Variants in TENM2 observed in about 807,000 individuals in gnomAD.
The protein encoded by TENM2 is teneurin-2.
A neutral mutation model predicts 245.2 loss-of-function variants in TENM2; 52 were observed. The observed-to-expected ratio is 0.21, with a 90% CI of 0.17 to 0.27. The LOEUF (loss-of-function observed/expected upper bound fraction) is 0.27. Among genes scored for constraint, TENM2 ranks in the 10% least tolerant of loss-of-function variants. The pLI, the probability that TENM2 is intolerant of heterozygous loss-of-function variation, is 1.00. For synonymous variants in TENM2, 1,363 were observed against 1,438.9 expected (o/e 0.95, Z 1.19); for missense variants, 3,046 against 3,666.8 (o/e 0.83, Z 4.37).
chr5:168,226,289 C>T, intron 24 of TENM2, 26 bp downstream of exon 26: 1 of 1,603,030 alleles, frequency 6.2e-7, no homozygotes. Flanking sequence ...TACCATCCTA[C>T]CCCCAAACTC....
At chr5:167,375,352 C>T (rs771454000) in exon 2 of TENM2, 14 of 1,551,668 alleles carry the variant, frequency 9.0e-6, no homozygotes, top group South Asian at 4.8e-5. Context: ...CTCCAGAACA[C>T]GCCATCAGAC....
chr5:167,188,877 G>A, the TENM2 span, among the ~76,000 whole-genome samples: 5 of 152,236 alleles, frequency 3.3e-5, no homozygotes, highest in South Asian at 1.0e-3. Context: ...TATGCAGGGA[G>A]AAATTATTCA....
chr5:167,400,909 G>T (rs1215931085), intron 2 of TENM2, among the ~76,000 whole-genome samples: 1 of 152,092 alleles, frequency 6.6e-6, no homozygotes, highest in Non-Finnish European at 1.5e-5. Context: ...CTAAAGTGAG[G>T]TCCTTGTAGG....
intron 2 of TENM2, among the ~76,000 whole-genome samples, chr5:167,404,662 A>G (rs1028170724): frequency 6.6e-6 from 1 of 152,142 alleles, no homozygotes. Flanking sequence ...ATTGAAATCT[A>G]CAGTGGAGAT....
intron 2 of TENM2, among the ~76,000 whole-genome samples, chr5:167,701,626 A>G (rs568114293): frequency 3.9e-4 from 59 of 152,260 alleles, no homozygotes; most frequent in African/African-American, 1.3e-3. Flanking sequence ...GAAAAATAGG[A>G]AGGATAATAA....
At chr5:167,518,790 A>G (rs2127579263) in intron 2 of TENM2, among the ~76,000 whole-genome samples, 1 of 152,222 alleles carries the variant, frequency 6.6e-6, no homozygotes, top group South Asian at 2.1e-4. Context: ...TTTGTCTCCA[A>G]AAAGGCCCAA....
At chr5:168,071,941 C>T (rs934635426) in intron 7 of TENM2, among the ~76,000 whole-genome samples, 4 of 152,160 alleles carry the variant, frequency 2.6e-5, no homozygotes, top group Non-Finnish European at 5.9e-5. Flanking sequence ...AGTTACATTC[C>T]AGCCTGGTGA....
At chr5:168,209,994 C>T (rs1186250318) in intron 19 of TENM2, among the ~76,000 whole-genome samples, 1 of 152,138 alleles carries the variant, frequency 6.6e-6, no homozygotes, top group Admixed American at 6.5e-5. Flanking sequence ...AAGAGCTAAT[C>T]CATCTCAATT....
At chr5:167,342,739 G>A (rs1421763049) in intron 1 of TENM2, among the ~76,000 whole-genome samples, 1 of 151,738 alleles carries the variant, frequency 6.6e-6, no homozygotes, top group African/African-American at 2.4e-5. Flanking sequence ...TTGTTAGCCA[G>A]GATGGTCTCG....
chr5:168,080,826 T>C (rs376833401), intron 7 of TENM2, among the ~76,000 whole-genome samples: 2 of 152,186 alleles, frequency 1.3e-5, no homozygotes, highest in East Asian at 3.9e-4. Flanking sequence ...TCTTTTACAT[T>C]TGCTGAGGAG....
intron 2 of TENM2, among the ~76,000 whole-genome samples, chr5:167,394,613 A>C (rs1308510496): frequency 6.6e-6 from 1 of 152,062 alleles, no homozygotes; most frequent in East Asian, 1.9e-4. Flanking sequence ...TGTTCTTTGG[A>C]GACAGAGTCT....
At chr5:167,595,050 C>G (rs531700834) in intron 2 of TENM2, among the ~76,000 whole-genome samples, 1 of 152,282 alleles carries the variant, frequency 6.6e-6, no homozygotes, top group African/African-American at 2.4e-5. Context: ...AATCAAGCAG[C>G]CCTTTCTGGG....
chr5:167,265,069 T>C, the TENM2 span, among the ~76,000 whole-genome samples: 1 of 151,986 alleles, frequency 6.6e-6, no homozygotes, highest in African/African-American at 2.4e-5. Context: ...GGCTCATGCC[T>C]GTAATCCCAG....
intron 2 of TENM2, among the ~76,000 whole-genome samples, chr5:167,425,237 A>G (rs1763742531): frequency 6.6e-6 from 1 of 152,238 alleles, no homozygotes; most frequent in Admixed American, 6.5e-5. Flanking sequence ...CTCGTGACTG[A>G]TAAATCAAAT....
chr5:167,462,265 G>A lies in TENM2; in HGVS notation c.502+86792G>A, dbSNP rs1017642025. 6.1e-5 allele frequency among the ~76,000 whole-genome samples: 9 copies of A among 147,196 alleles called. 1 individual carries two copies. The highest frequency in any genetic ancestry group is 2.2e-4 in the African/African-American group (9 of 40,402). The stretch of plus-strand genomic sequence containing the variant: ...TGCACTCAAACCCCTTACAGGAGGG[G>A]GAGCATGCAGACAGGTAGGTGCAGG... On this transcript the variant is annotated intron_variant, in intron 2 of 28. Transcript: ENST00000518659.
chr5:167,087,152 C>T, the TENM2 span, among the ~76,000 whole-genome samples: 1 of 152,176 alleles, frequency 6.6e-6, no homozygotes, highest in Non-Finnish European at 1.5e-5. Context: ...TGCCCCCATG[C>T]CCAGATGCTG....
the TENM2 span, among the ~76,000 whole-genome samples, chr5:167,240,943 A>G: frequency 0.023 from 3,540 of 152,310 alleles, 129 homozygotes; most frequent in African/African-American, 0.08. Context: ...CACAGTGTCT[A>G]TAAAAGCATA....
At chr5:167,698,648 C>CTG (rs1205927710) in intron 2 of TENM2, among the ~76,000 whole-genome samples, 44 of 136,494 alleles carry the variant, frequency 3.2e-4, no homozygotes, top group African/African-American at 9.7e-4. Flanking sequence ...AATAGTTTTT[C>CTG]TGTGTGTGTG....
rs529292641 is a variant in TENM2 at position 168,236,938 on chromosome 5, T to A, written c.5521-7482T>A. ...TATTTTGAGACCACAGATGTCCTAA[T>A]CATATATATATATATATATATATAT... On this transcript the variant is annotated intron_variant, in intron 25 of 28. Coordinates refer to ENST00000518659, the Ensembl canonical transcript of TENM2. Among the ~76,000 whole-genome samples, 211 of 53,932 alleles carry A rather than the reference T, an allele frequency of 3.9e-3. 3 individuals are homozygous for A. The highest frequency in any genetic ancestry group is 0.013 in the Middle Eastern group (1 of 78). The allele number at this position is 53,932 out of a possible 152,430, so 35.4% of individuals were successfully genotyped here. A position where few individuals can be genotyped will look rare whatever the true frequency, so the allele number is the denominator to read the frequency against.
Sources: allele counts gnomAD v4.1 joint callset (sites outside exome capture counted in the v4.1 genomes callset), GRCh38; gene constraint gnomAD v4.1.1; transcripts MANE v1.5; gene names NCBI Gene and HGNC (gene_info 2026-07-23, HGNC 2026-07-21).